PTGER4: variants seen among roughly 807,000 people sequenced by gnomAD.
PTGER4 encodes the protein prostaglandin E receptor 4, also known as prostaglandin E2 receptor EP4 subtype.
Under a neutral mutation model 33.2 loss-of-function variants are expected in PTGER4, and 11 were observed. That is an observed-to-expected ratio of 0.33 (90% CI 0.21 to 0.55). The LOEUF (loss-of-function observed/expected upper bound fraction) is 0.55. Among genes scored for constraint, PTGER4 ranks in the 20% least tolerant of loss-of-function variants. PTGER4 has a pLI of 0.92. For synonymous variants in PTGER4, 275 were observed against 281.5 expected (o/e 0.98, Z 0.23); for missense variants, 481 against 650.2 (o/e 0.74, Z 2.83).
chr5:40,725,797 T>C, the PTGER4 span, among the ~76,000 whole-genome samples: 4 of 150,668 alleles, frequency 2.7e-5, no homozygotes, highest in Non-Finnish European at 4.4e-5. Flanking sequence ...TTTTTTTTTT[T>C]TTTTTTTGAG....
chr5:40,744,791 T>C, the PTGER4 span, among the ~76,000 whole-genome samples: 1 of 152,172 alleles, frequency 6.6e-6, no homozygotes, highest in Non-Finnish European at 1.5e-5. Flanking sequence ...GGACAATGCT[T>C]TAAGATTTTT....
chr5:40,706,302 AAC>A, the PTGER4 span, among the ~76,000 whole-genome samples: 1 of 152,178 alleles, frequency 6.6e-6, no homozygotes, highest in Non-Finnish European at 1.5e-5. Flanking sequence ...CAATGAAGGA[AAC>A]AGCAGACAAT....
the PTGER4 span, among the ~76,000 whole-genome samples, chr5:40,719,923 CAG>C: frequency 6.6e-6 from 1 of 152,042 alleles, no homozygotes; most frequent in South Asian, 2.1e-4. Context: ...GAGTTTTTTA[CAG>C]AGTCTACATA....
chr5:40,708,272 G>A, the PTGER4 span, among the ~76,000 whole-genome samples: 1 of 152,002 alleles, frequency 6.6e-6, no homozygotes, highest in Non-Finnish European at 1.5e-5. Context: ...CAACAGAATG[G>A]ATAGACCGCT....
chr5:40,736,408 C>G, the PTGER4 span, among the ~76,000 whole-genome samples: 1 of 152,126 alleles, frequency 6.6e-6, no homozygotes, highest in Non-Finnish European at 1.5e-5. Context: ...AATTTATATT[C>G]CTGCTTCATA....
intron 2 of PTGER4, among the ~76,000 whole-genome samples, chr5:40,684,420 G>A (rs918746140): frequency 1.3e-5 from 2 of 152,046 alleles, no homozygotes; most frequent in South Asian, 4.2e-4. Flanking sequence ...AGCAAATGTA[G>A]TTTACTTGGA....
Position 40,681,690 on chromosome 5 carries a change from G to A in PTGER4, c.697G>A (p.Ala233Thr). The A allele has an allele frequency of 6.4e-7, 1 of 1,573,186 alleles. No homozygotes were observed. The highest frequency in any genetic ancestry group is 8.6e-7 in the Non-Finnish European group (1 of 1,165,476). The change falls in exon 2 of 3, where the codon GCC becomes ACC. Residue 233 changes from alanine to threonine, a missense_variant. Ala to Thr is a moderately conservative substitution (Grantham distance 58, BLOSUM62 0). This residue lies in a region of PTGER4 where 174 missense variants were observed against 210.5 expected (regional missense o/e 0.83). Coordinates refer to ENST00000302472, the MANE Select transcript of PTGER4 (RefSeq NM_000958.3). This position sits in a 1 kb window ranked among gnomAD's most constrained non-coding sequence, Gnocchi z 9.8. ...CACCGAGCAGCACCACGCGGCCGCGGCCGCCTCGGTTGCCTCCCGGGGCCA... is the reference window on the plus strand; with the variant it reads ...CACCGAGCAGCACCACGCGGCCGCGACCGCCTCGGTTGCCTCCCGGGGCCA... Reference protein sequence around the residue: ...LGTEQHHAAAAASVASRGHPA... With the variant: ...LGTEQHHAAATASVASRGHPA...
At chr5:40,720,202 T>C in the PTGER4 span, among the ~76,000 whole-genome samples, 1 of 152,176 alleles carries the variant, frequency 6.6e-6, no homozygotes, top group Non-Finnish European at 1.5e-5. Flanking sequence ...TAGGTCTTTG[T>C]TTGTTTTTGA....
chr5:40,691,268 G>A lies in PTGER4; in HGVS notation c.868-511G>A, dbSNP rs373919220. On this transcript the variant is annotated intron_variant, in intron 2 of 2. Transcript: ENST00000302472. The surrounding 1 kb of genome is among the most constrained non-coding windows in gnomAD (Gnocchi z 4.2). The stretch of plus-strand genomic sequence containing the variant: ...GGGATCTCAGCTCACTGCAACCTCC[G>A]CCTCCCAGGTTCAAATGATTCTCCT... Among the ~76,000 whole-genome samples, 3 of 152,128 alleles carry A rather than the reference G, an allele frequency of 2.0e-5. No individual in the cohort carries two copies. The highest frequency in any genetic ancestry group is 4.8e-5 in the African/African-American group (2 of 41,438).
intron 2 of PTGER4, among the ~76,000 whole-genome samples, chr5:40,690,413 A>G (rs1741439028): frequency 6.6e-6 from 1 of 152,250 alleles, no homozygotes; most frequent in Non-Finnish European, 1.5e-5. Context: ...AAGTTTACAC[A>G]AATTCATGCT....
the PTGER4 span, chr5:40,716,462 G>A: frequency 6.2e-7 from 1 of 1,612,268 alleles, no homozygotes; most frequent in African/African-American, 1.3e-5. Context: ...GGGTTCATTG[G>A]ATAGATGTGA....
downstream of PTGER4, chr5:40,696,565 A>G (rs542604281): frequency 3.0e-6 from 2 of 664,290 alleles, no homozygotes; most frequent in African/African-American, 3.9e-5. Context: ...CTTGGCAGAA[A>G]GGAAGAGAGA....
downstream of PTGER4, chr5:40,693,766 C>T (rs551596244): frequency 4.2e-6 from 4 of 949,066 alleles, no homozygotes; most frequent in East Asian, 1.1e-4. Context: ...TTTGGGAAAA[C>T]TTGTGGGGGC....
At chr5:40,684,773 T>C (rs770255677) in intron 2 of PTGER4, among the ~76,000 whole-genome samples, 25 of 152,164 alleles carry the variant, frequency 1.6e-4, no homozygotes, top group Non-Finnish European at 3.2e-4. Context: ...ATTTAGTGGG[T>C]AGGTGGTTCT....
intron 2 of PTGER4, among the ~76,000 whole-genome samples, chr5:40,685,829 A>T (rs1435868006): frequency 6.6e-6 from 1 of 152,098 alleles, no homozygotes; most frequent in African/African-American, 2.4e-5. Flanking sequence ...TGCTTTCTTG[A>T]CCTGTCAATT....
the PTGER4 span, among the ~76,000 whole-genome samples, chr5:40,727,495 G>T: frequency 6.6e-6 from 1 of 152,164 alleles, no homozygotes; most frequent in Non-Finnish European, 1.5e-5. Flanking sequence ...GATGCATTAG[G>T]TACCAGTTTA....
the PTGER4 span, among the ~76,000 whole-genome samples, chr5:40,728,134 A>G: frequency 0.01 from 1,581 of 151,888 alleles, 22 homozygotes; most frequent in African/African-American, 0.033. Flanking sequence ...ATACAAAAAC[A>G]TTAGCCAGGC....
the PTGER4 span, among the ~76,000 whole-genome samples, chr5:40,705,359 A>G: frequency 6.6e-6 from 1 of 152,242 alleles, no homozygotes; most frequent in Non-Finnish European, 1.5e-5. Context: ...TAAAACTCAA[A>G]ACTATAAATA....
chr5:40,691,682 A>T lies in PTGER4; in HGVS notation c.868-97A>T, dbSNP rs1741475353. ...TTCCTGGAACTTGTTACCAGAAATG[A>T]AGGCAGCTTCCTAATATTGATAAGG... On this transcript the variant is annotated intron_variant, in intron 2 of 2. Coordinates refer to ENST00000302472, the MANE Select transcript of PTGER4 (RefSeq NM_000958.3). The surrounding 1 kb of genome is among the most constrained non-coding windows in gnomAD (Gnocchi z 4.2). 6.9e-7 allele frequency: 1 copy of T among 1,453,202 alleles called. No homozygotes were observed. The highest frequency in any genetic ancestry group is 1.4e-5 in the South Asian group (1 of 71,672). 90.0% of individuals were successfully genotyped at this position (1,453,202 alleles called of 1,614,324 possible).
Sources: allele counts gnomAD v4.1 joint callset (sites outside exome capture counted in the v4.1 genomes callset), GRCh38; gene constraint gnomAD v4.1.1; regional missense constraint gnomAD v4.1.1; non-coding constraint Gnocchi (gnomAD v3.1); transcripts MANE v1.5; gene names NCBI Gene and HGNC (gene_info 2026-07-23, HGNC 2026-07-21).